SPATA6: variants seen among roughly 807,000 people sequenced by gnomAD.
SPATA6 encodes the protein spermatogenesis-associated protein 6.
SPATA6 carries 56 observed loss-of-function variants against 65.3 expected under a neutral mutation model. The ratio of observed to expected loss-of-function variants is 0.86; its 90% confidence interval spans 0.69 to 1.07. The LOEUF is 1.07. Among genes scored for constraint, SPATA6 ranks in the 50% least tolerant of loss-of-function variants. The probability of loss-of-function intolerance (pLI) is 0.00; values close to 1 mark genes in which losing one functional copy is unlikely to be tolerated. For missense variants in SPATA6, 590 were observed against 594.8 expected (o/e 0.99, Z 0.08); for synonymous variants, 199 against 213.2 (o/e 0.93, Z 0.58).
At chr1:48,413,004 T>C (rs1369639535) in intron 4 of SPATA6, 106 bp downstream of exon 4, 2 of 328,794 alleles carry the variant, frequency 6.1e-6, no homozygotes, top group African/African-American at 2.2e-5. Context: ...TAATACACTA[T>C]ATTATATCCT....
intron 3 of SPATA6, among the ~76,000 whole-genome samples, chr1:48,428,617 A>G (rs12119180): frequency 0.014 from 2,077 of 152,272 alleles, 27 homozygotes; most frequent in South Asian, 0.023. Flanking sequence ...CATATTCATC[A>G]TGAAGTTCTT....
chr1:48,283,004 T>TA, the SPATA6 span, among the ~76,000 whole-genome samples: 4 of 151,966 alleles, frequency 2.6e-5, no homozygotes, highest in African/African-American at 4.8e-5. Context: ...TATGCAGCCA[T>TA]AAAAAATGAT....
At chr1:48,399,765 G>A (rs1363356398) in intron 6 of SPATA6, 121 bp from the exon 7 acceptor site, 1 of 836,464 alleles carries the variant, frequency 1.2e-6, no homozygotes, top group East Asian at 2.7e-5. Context: ...AACTAGATCA[G>A]TCCTTCCTAT....
chr1:48,425,014 A>G (rs1653705171), intron 3 of SPATA6, among the ~76,000 whole-genome samples: 1 of 151,986 alleles, frequency 6.6e-6, no homozygotes, highest in Non-Finnish European at 1.5e-5. Context: ...AGTTGTCCAC[A>G]TTTACTTTGG....
At position 48,298,889 on chromosome 1, in the gene SPATA6, A is replaced by T. The variant is rs748620425; in HGVS notation, c.1291T>A (p.Cys431Ser). The T allele has an allele frequency of 1.9e-6, 3 of 1,612,594 alleles. No homozygotes were observed. The East Asian group carries it at 6.7e-5, about 36-fold the overall frequency. ...TGGAAAGTGCCACGTGGCTGCTGAC[A>T]TGAGCTATAAAAAGGGATATAAAAG... Reference protein sequence around the residue: ...AYDSDPEYSSCQQPRGTFHLD... With the variant: ...AYDSDPEYSSSQQPRGTFHLD... Residue 431 changes from cysteine (C) to serine (S), a missense_variant, in exon 13 of 13, where the codon TGT becomes AGT. Coordinates refer to ENST00000371847, the MANE Select transcript of SPATA6 (RefSeq NM_019073.4).
chr1:48,293,888 G>A (rs72887987), downstream of SPATA6, among the ~76,000 whole-genome samples: 3,739 of 152,236 alleles, frequency 0.025, 96 homozygotes, highest in African/African-American at 0.067. Flanking sequence ...TCAATGTCTT[G>A]CAGATTGCCT....
At chr1:48,406,558 T>C (rs1332428910) in intron 5 of SPATA6, among the ~76,000 whole-genome samples, 6 of 152,162 alleles carry the variant, frequency 3.9e-5, no homozygotes, top group Admixed American at 3.3e-4. Context: ...AAGAGACATT[T>C]ATTAAGTACC....
At chr1:48,281,631 C>T in the SPATA6 span, among the ~76,000 whole-genome samples, 47,192 of 150,016 alleles carry the variant, frequency 0.31, 8,827 homozygotes, top group Middle Eastern at 0.44. Flanking sequence ...TTACAAGGGA[C>T]GTGAAGGACC....
chr1:48,463,848 A>G (rs1248240092), intron 1 of SPATA6, among the ~76,000 whole-genome samples: 19 of 152,170 alleles, frequency 1.2e-4, no homozygotes, highest in Admixed American at 1.2e-3. Flanking sequence ...CCTAAATAAA[A>G]AATTAGCCAA....
At chr1:48,306,084 T>C (rs1645055230) in intron 11 of SPATA6, among the ~76,000 whole-genome samples, 1 of 152,018 alleles carries the variant, frequency 6.6e-6, no homozygotes, top group Non-Finnish European at 1.5e-5. Context: ...TTTATTATAG[T>C]TTTTGCTAAT....
chr1:48,319,802 C>T (rs577036642), intron 11 of SPATA6, among the ~76,000 whole-genome samples: 16 of 152,310 alleles, frequency 1.1e-4, no homozygotes, highest in African/African-American at 3.6e-4. Context: ...TGGAATCCCA[C>T]AGGCTTGTGA....
chr1:48,323,738 A>G (rs1475570517), intron 11 of SPATA6, among the ~76,000 whole-genome samples: 1 of 151,680 alleles, frequency 6.6e-6, no homozygotes, highest in African/African-American at 2.4e-5. Context: ...TGTATTCCAT[A>G]AATTGGAAAA....
At chr1:48,442,967 C>T (rs375803129) in intron 3 of SPATA6, among the ~76,000 whole-genome samples, 4 of 152,136 alleles carry the variant, frequency 2.6e-5, no homozygotes, top group African/African-American at 7.2e-5. Flanking sequence ...TAACTAATTA[C>T]CATACAAAAG....
At chr1:48,311,038 A>G (rs562779131) in intron 11 of SPATA6, among the ~76,000 whole-genome samples, 2 of 152,194 alleles carry the variant, frequency 1.3e-5, no homozygotes, top group South Asian at 4.1e-4. Flanking sequence ...AATTTAAAAT[A>G]TAACAAAACA....
At chr1:48,382,450 C>T (rs1648774030) in intron 9 of SPATA6, among the ~76,000 whole-genome samples, 1 of 139,138 alleles carries the variant, frequency 7.2e-6, no homozygotes, top group Non-Finnish European at 1.6e-5. Context: ...GGGCGGCTGG[C>T]TGGGCGGGGG....
At chr1:48,329,821 C>T (rs1024462598) in intron 11 of SPATA6, among the ~76,000 whole-genome samples, 17 of 152,180 alleles carry the variant, frequency 1.1e-4, no homozygotes, top group Admixed American at 1.1e-3. Context: ...GAGTGACAGT[C>T]CCCAGGGGAA....
intron 11 of SPATA6, among the ~76,000 whole-genome samples, chr1:48,317,519 G>C (rs2148690421): frequency 6.6e-6 from 1 of 152,026 alleles, no homozygotes; most frequent in East Asian, 1.9e-4. Context: ...ACACACTGGG[G>C]CCTGTTGTGG....
intron 3 of SPATA6, among the ~76,000 whole-genome samples, chr1:48,417,906 GAAC>G (rs1185726443): frequency 6.6e-6 from 1 of 152,018 alleles, no homozygotes; most frequent in Admixed American, 6.5e-5. Flanking sequence ...GTTTGATTTT[GAAC>G]AACATCAACA....
chr1:48,287,845 T>C, the SPATA6 span, among the ~76,000 whole-genome samples: 3 of 152,236 alleles, frequency 2.0e-5, no homozygotes, highest in African/African-American at 7.2e-5. Flanking sequence ...GAATACTGAA[T>C]AGCAGCAGAG....
Sources: gnomAD v4.1 joint callset for allele counts (sites outside exome capture counted in the v4.1 genomes callset) on GRCh38, gnomAD v4.1.1 for gene constraint, MANE v1.5 for transcripts, NCBI Gene and HGNC (gene_info 2026-07-23, HGNC 2026-07-21) for gene names.